Variants in ARAP2 observed in about 807,000 individuals in gnomAD.
The protein encoded by ARAP2 is arf-GAP with Rho-GAP domain, ANK repeat and PH domain-containing protein 2.
Under a neutral mutation model 194.5 loss-of-function variants are expected in ARAP2, and 148 were observed. That is an observed-to-expected ratio of 0.76 (90% CI 0.67 to 0.87). ARAP2 has a LOEUF of 0.87. Among genes scored for constraint, ARAP2 ranks in the 40% least tolerant of loss-of-function variants. ARAP2 has a pLI of 0.00. For synonymous variants in ARAP2, 695 were observed against 683.5 expected, an observed-to-expected ratio of 1.02 and a Z score of -0.26; for missense variants, 2,128 against 1,989.7, an observed-to-expected ratio of 1.07 and a Z score of -1.32.
chr4:36,205,539 T>A (rs1341027208), intron 6 of ARAP2, among the ~76,000 whole-genome samples: 1 of 151,766 alleles, frequency 6.6e-6, no homozygotes, highest in African/African-American at 2.4e-5. Flanking sequence ...TTTATCAAAG[T>A]ATGAACTGAC....
At chr4:36,164,344 T>C (rs1734791304) in intron 11 of ARAP2, among the ~76,000 whole-genome samples, 1 of 152,176 alleles carries the variant, frequency 6.6e-6, no homozygotes, top group Admixed American at 6.6e-5. Context: ...TTCCACTCAC[T>C]TGGGCAACTG....
chr4:36,161,094 C>T (rs1202409851), intron 12 of ARAP2, among the ~76,000 whole-genome samples: 1 of 151,574 alleles, frequency 6.6e-6, no homozygotes, highest in African/African-American at 2.4e-5. Context: ...CAAATGTTTT[C>T]ATTCACTCTC....
intron 20 of ARAP2, among the ~76,000 whole-genome samples, chr4:36,130,651 G>T (rs1725206723): frequency 6.6e-6 from 1 of 151,784 alleles, no homozygotes; most frequent in Admixed American, 6.6e-5. Flanking sequence ...ACACTGACTT[G>T]TAACTGCTCA....
intron 9 of ARAP2, among the ~76,000 whole-genome samples, chr4:36,012,164 C>A (rs886994737): frequency 6.6e-6 from 1 of 152,016 alleles, no homozygotes; most frequent in African/African-American, 2.4e-5. Context: ...GATTTCTAGG[C>A]TCTTTAGAAA....
chr4:36,234,472 C>T (rs1015445810), intron 1 of ARAP2, among the ~76,000 whole-genome samples: 7 of 152,176 alleles, frequency 4.6e-5, no homozygotes, highest in South Asian at 2.1e-4. Flanking sequence ...AAATCGGGAG[C>T]GGGGGGTGGG....
chr4:36,180,588 T>C (rs1303637396), intron 8 of ARAP2, among the ~76,000 whole-genome samples: 1 of 152,214 alleles, frequency 6.6e-6, no homozygotes, highest in African/African-American at 2.4e-5. Context: ...ATGGTTTTTG[T>C]TTGTTTCTTT....
intron 2 of ARAP2, among the ~76,000 whole-genome samples, chr4:36,057,356 T>C (rs1723693450): frequency 6.6e-6 from 1 of 151,734 alleles, no homozygotes; most frequent in African/African-American, 2.4e-5. Flanking sequence ...AGGTTTTTTT[T>C]TTTAATTTAC....
chr4:36,020,885 T>A (rs1022788391), intron 5 of ARAP2, among the ~76,000 whole-genome samples: 3 of 152,238 alleles, frequency 2.0e-5, no homozygotes, highest in Admixed American at 6.5e-5. Flanking sequence ...TAACAAAGTT[T>A]GGAATAGTGA....
chr4:36,121,632 T>C (rs1722701234), intron 22 of ARAP2, among the ~76,000 whole-genome samples: 1 of 151,716 alleles, frequency 6.6e-6, no homozygotes, highest in Non-Finnish European at 1.5e-5. Flanking sequence ...GGCCAAAGTA[T>C]AGAAGTATGC....
At chr4:36,148,372 T>C (rs1730145001) in intron 17 of ARAP2, 33 bp downstream of exon 17, 22 of 1,528,156 alleles carry the variant, frequency 1.4e-5, no homozygotes, top group Non-Finnish European at 1.9e-5. Context: ...CAATCTTCTC[T>C]GGATTTAGAG....
chr4:36,136,798 T>C (rs1380703535), intron 19 of ARAP2, among the ~76,000 whole-genome samples: 1 of 124,252 alleles, frequency 8.0e-6, no homozygotes, highest in Non-Finnish European at 1.8e-5. Flanking sequence ...TGTGTGTGTG[T>C]GTGTGTGTGT....
chr4:36,061,112 T>TA (rs1724361999), downstream of ARAP2, among the ~76,000 whole-genome samples: 1 of 152,186 alleles, frequency 6.6e-6, no homozygotes, highest in African/African-American at 2.4e-5. Context: ...TGTATACACT[T>TA]ATGGGGTATA....
At chr4:36,140,615 T>C (rs1728082241) in intron 19 of ARAP2, among the ~76,000 whole-genome samples, 1 of 151,724 alleles carries the variant, frequency 6.6e-6, no homozygotes, top group Non-Finnish European at 1.5e-5. Context: ...CTCTGGAGTA[T>C]TGCTAACATA....
chr4:36,149,554 C>A (rs1029571598), intron 16 of ARAP2, among the ~76,000 whole-genome samples: 1 of 152,198 alleles, frequency 6.6e-6, no homozygotes, highest in African/African-American at 2.4e-5. Context: ...TACTTTCTCT[C>A]TGCATAGCTA....
chr4:36,165,183 G>A (rs965643461), intron 10 of ARAP2, 70 bp from the exon 11 acceptor site: 1 of 1,456,756 alleles, frequency 6.9e-7, no homozygotes, highest in African/African-American at 1.4e-5. Flanking sequence ...TGTTCAGTTT[G>A]CATATTCATT....
rs1729180456 is a variant in ARAP2 at position 36,080,198 on chromosome 4, T to G, written c.4608+18A>C. On this transcript the variant is annotated intron_variant, in intron 31 of 32. Transcript: ENST00000303965. ...AAAGTTATTATACTCTACTGGATAG[T>G]TCAAACAAATCTCGTACCTGGGCAA... 6.2e-7 allele frequency: 1 copy of G among 1,606,878 alleles called. No homozygotes were observed. The highest frequency in any genetic ancestry group is 2.2e-5 in the East Asian group (1 of 44,696).
chr4:36,108,541 T>C (rs1213086079), intron 26 of ARAP2, among the ~76,000 whole-genome samples: 1 of 152,012 alleles, frequency 6.6e-6, no homozygotes, highest in Non-Finnish European at 1.5e-5. Context: ...TATTATAGAC[T>C]AACTATTGAC....
At chr4:36,242,067 A>G (rs542316691) in intron 1 of ARAP2, among the ~76,000 whole-genome samples, 1 of 152,334 alleles carries the variant, frequency 6.6e-6, no homozygotes, top group African/African-American at 2.4e-5. Context: ...TGGTTTAACT[A>G]CCATTATATA....
chr4:36,040,454 T>A (rs575402114), intron 5 of ARAP2, among the ~76,000 whole-genome samples: 2 of 152,218 alleles, frequency 1.3e-5, no homozygotes, highest in Non-Finnish European at 2.9e-5. Flanking sequence ...TTTAATGATA[T>A]TGATTCTTTC....
Sources: gnomAD v4.1 joint callset for allele counts (sites outside exome capture counted in the v4.1 genomes callset) on GRCh38, gnomAD v4.1.1 for gene constraint, MANE v1.5 for transcripts, NCBI Gene and HGNC (gene_info 2026-07-23, HGNC 2026-07-21) for gene names.